The following ITPR2 variants were observed in gnomAD, a reference collection of about 807,000 sequenced individuals.
ITPR2 encodes the protein inositol 1,4,5-trisphosphate-gated calcium channel ITPR2.
Under a neutral mutation model 317.1 loss-of-function variants are expected in ITPR2, and 207 were observed. The ratio of observed to expected loss-of-function variants is 0.65; its 90% CI spans 0.58 to 0.73. The LOEUF (loss-of-function observed/expected upper bound fraction) is 0.73, where lower values mean the gene tolerates loss of function less well. ITPR2 is among the 30% of genes least tolerant of loss of function. ITPR2 has a pLI of 0.00. For synonymous variants in ITPR2, 1,156 were observed against 1,149.1 expected (o/e 1.01, Z -0.12); for missense variants, 2,613 against 3,284.0 (o/e 0.80, Z 4.99).
intron 28 of ITPR2, among the ~76,000 whole-genome samples, chr12:26,601,849 G>C (rs1370192017): frequency 1.3e-5 from 2 of 152,100 alleles, no homozygotes; most frequent in Admixed American, 6.6e-5. Context: ...TCAAAATCGT[G>C]CACCAACAAA....
intron 12 of ITPR2, among the ~76,000 whole-genome samples, 171 bp downstream of exon 12, chr12:26,682,403 G>T (rs868817477): frequency 5.9e-5 from 9 of 152,214 alleles, no homozygotes; most frequent in Non-Finnish European, 1.2e-4. Flanking sequence ...AACCCATTTA[G>T]ATCAGCTACC....
At position 26,475,559 on chromosome 12, in the gene ITPR2, T is replaced by C. The variant is rs888992258; in HGVS notation, c.6220-141A>G. On this transcript the variant is annotated intron_variant, in intron 44 of 56. Transcript: ENST00000381340. ...TAAATGAAAATGGCCTTGGAAACCA[T>C]CCTTATTTCAATGAACATGGAAGTA... The C allele has an allele frequency of 4.9e-6, 4 of 810,642 alleles. No individual in the cohort carries two copies. The African/African-American group carries it at 5.2e-5, about 11-fold the overall frequency. 50.2% of individuals were successfully genotyped at this position (810,642 alleles called of 1,614,324 possible). A position where few individuals can be genotyped will look rare whatever the true frequency, so the allele number is the denominator to read the frequency against.
chr12:26,768,482 C>A (rs1358829988), intron 2 of ITPR2, among the ~76,000 whole-genome samples: 19 of 92,830 alleles, frequency 2.0e-4, no homozygotes, highest in South Asian at 8.3e-4. Flanking sequence ...TTGTGCAACT[C>A]AAAAAAAAAA....
At chr12:26,545,388 G>C (rs1337082066) in intron 37 of ITPR2, among the ~76,000 whole-genome samples, 1 of 152,012 alleles carries the variant, frequency 6.6e-6, no homozygotes, top group Non-Finnish European at 1.5e-5. Context: ...AGGGGGGCGG[G>C]AAATAGGGAG....
chr12:26,469,270 T>C (rs12299286), intron 45 of ITPR2, among the ~76,000 whole-genome samples: 8,215 of 152,258 alleles, frequency 0.054, 630 homozygotes, highest in African/African-American at 0.17. Flanking sequence ...AAGACTATCT[T>C]ATAATAAATA....
chr12:26,406,785 C>A (rs1335175399), intron 52 of ITPR2, among the ~76,000 whole-genome samples: 1 of 152,142 alleles, frequency 6.6e-6, no homozygotes, highest in African/African-American at 2.4e-5. Context: ...TTGCAGTTAA[C>A]TACATGCAGT....
intron 43 of ITPR2, among the ~76,000 whole-genome samples, chr12:26,479,584 C>A (rs572785506): frequency 1.9e-4 from 29 of 152,200 alleles, no homozygotes; most frequent in African/African-American, 7.0e-4. Context: ...AAAAATTTTT[C>A]TAATAACTTG....
At chr12:26,797,128 C>T (rs557280146) in intron 1 of ITPR2, among the ~76,000 whole-genome samples, 9 of 152,016 alleles carry the variant, frequency 5.9e-5, no homozygotes, top group African/African-American at 1.7e-4. Context: ...TGCAACAACA[C>T]TAAAAATCTC....
At chr12:26,418,116 T>G (rs1940779280) in intron 50 of ITPR2, among the ~76,000 whole-genome samples, 1 of 152,200 alleles carries the variant, frequency 6.6e-6, no homozygotes, top group African/African-American at 2.4e-5. Context: ...TTTCAAATGT[T>G]TGAGGGTATA....
intron 49 of ITPR2, among the ~76,000 whole-genome samples, chr12:26,426,770 C>G (rs535580788): frequency 6.6e-6 from 1 of 151,630 alleles, no homozygotes; most frequent in South Asian, 2.1e-4. Context: ...ATTAGCTCAG[C>G]TTTATAATTC....
intron 45 of ITPR2, among the ~76,000 whole-genome samples, chr12:26,462,154 C>CTTTTGTTTTCTTTTGTTTTGTTTTG (rs1555133873): frequency 2.0e-5 from 3 of 149,574 alleles, no homozygotes; most frequent in Non-Finnish European, 3.0e-5. Flanking sequence ...ACAAGGAAAA[C>CTTTTGTTTTCTTTTGTTTTGTTTTG]TTTTGTTTTG....
chr12:26,376,298 A>C (rs952364211), intron 55 of ITPR2, among the ~76,000 whole-genome samples: 1 of 152,204 alleles, frequency 6.6e-6, no homozygotes, highest in Admixed American at 6.5e-5. Context: ...CTTAGGCACT[A>C]TAAGCCAAAC....
intron 50 of ITPR2, among the ~76,000 whole-genome samples, chr12:26,417,672 C>T (rs999979636): frequency 1.3e-5 from 2 of 152,146 alleles, no homozygotes; most frequent in African/African-American, 2.4e-5. Flanking sequence ...ATCAATTAAA[C>T]CTCTTTTGTT....
chr12:26,659,306 C>A, intron 15 of ITPR2, 21 bp from the exon 16 acceptor site: 1 of 1,606,082 alleles, frequency 6.2e-7, no homozygotes, highest in South Asian at 1.1e-5. Flanking sequence ...GAAAGGCTGT[C>A]AGAATGCACT....
At chr12:26,348,738 C>T (rs949430560) in intron 55 of ITPR2, among the ~76,000 whole-genome samples, 12 of 152,124 alleles carry the variant, frequency 7.9e-5, no homozygotes, top group African/African-American at 1.2e-4. Context: ...CCTATAATCC[C>T]AGAACTTTGG....
intron 21 of ITPR2, among the ~76,000 whole-genome samples, chr12:26,646,792 T>C (rs1258692423): frequency 6.6e-6 from 1 of 152,182 alleles, no homozygotes; most frequent in Non-Finnish European, 1.5e-5. Context: ...AATTCTCCAT[T>C]GAATTTTTTT....
chr12:26,718,932 A>T (rs550052925), intron 5 of ITPR2, among the ~76,000 whole-genome samples: 1 of 152,272 alleles, frequency 6.6e-6, no homozygotes, highest in Admixed American at 6.5e-5. Flanking sequence ...TTAAGAGACC[A>T]ATCATATAGC....
chr12:26,561,880 G>A lies in ITPR2; in HGVS notation c.4703C>T (p.Ser1568Leu). 1.3e-6 allele frequency: 2 copies of A among 1,588,482 alleles called. No homozygotes were observed. The highest frequency in any genetic ancestry group is 8.5e-7 in the Non-Finnish European group (1 of 1,173,246). Reference protein sequence around the residue: ...QVNTLFMKSHSNMVQRAAMGW... With the variant: ...QVNTLFMKSHLNMVQRAAMGW... ...CATTGCTGCTCTCTGCACCATATTT[G>A]AATGGCTCTTCATGAAAAGAGTATT... The change falls in exon 35 of 57, where the codon TCA (serine) becomes TTA (leucine). Residue 1568 changes from serine to leucine, a missense_variant. Physicochemically the swap from Ser to Leu is moderately radical, Grantham distance 145. This residue lies in a region of ITPR2 where 926 missense variants were observed against 1,072.8 expected (regional missense o/e 0.86). Coordinates refer to ENST00000381340, the MANE Select transcript of ITPR2 (RefSeq NM_002223.4).
intron 45 of ITPR2, among the ~76,000 whole-genome samples, chr12:26,451,365 T>TCACACACACACACA (rs57642539): frequency 0.029 from 3,937 of 136,322 alleles, 184 homozygotes; most frequent in African/African-American, 0.086. Context: ...TTCTCTCATA[T>TCACACACACACACA]CACACACACA....
Sources: allele counts gnomAD v4.1 joint callset (sites outside exome capture counted in the v4.1 genomes callset), GRCh38; gene constraint gnomAD v4.1.1; regional missense constraint gnomAD v4.1.1; transcripts MANE v1.5; gene names NCBI Gene and HGNC (gene_info 2026-07-23, HGNC 2026-07-21).